The following SHLD1 variants were observed in gnomAD, a reference collection of about 807,000 sequenced individuals.
SHLD1 encodes the protein shieldin complex subunit 1.
A neutral mutation model predicts 5.5 loss-of-function variants in SHLD1; 3 were observed. The ratio of observed to expected loss-of-function variants is 0.54; its 90% CI spans 0.25 to 1.40. The LOEUF (loss-of-function observed/expected upper bound fraction) is 1.40, where lower values mean the gene tolerates loss of function less well. SHLD1 is among the 40% of genes most tolerant of loss of function. SHLD1 has a pLI of 0.15. For synonymous variants in SHLD1, 92 were observed against 94.3 expected (o/e 0.98, Z 0.14); for missense variants, 210 against 244.4 (o/e 0.86, Z 0.94).
chr20:5,804,350 ACT>A (rs71953766), intron 2 of SHLD1, among the ~76,000 whole-genome samples: 9,069 of 137,662 alleles, frequency 0.066, 400 homozygotes, highest in African/African-American at 0.14. Flanking sequence ...GCAAAAAAAA[ACT>A]ATATATATAT....
chr20:5,776,230 C>T (rs899477055), intron 2 of SHLD1, among the ~76,000 whole-genome samples: 5 of 152,006 alleles, frequency 3.3e-5, no homozygotes, highest in East Asian at 3.9e-4. Context: ...TGAGCCACTG[C>T]GCCCAGCCAG....
intron 2 of SHLD1, among the ~76,000 whole-genome samples, chr20:5,853,301 C>G (rs1273565195): frequency 6.6e-6 from 1 of 152,068 alleles, no homozygotes; most frequent in Non-Finnish European, 1.5e-5. Flanking sequence ...CAAAAATTAG[C>G]TGGGTGTGAT....
intron 1 of SHLD1, among the ~76,000 whole-genome samples, chr20:5,769,972 C>CCAGCCTGG: frequency 6.8e-6 from 1 of 147,108 alleles, no homozygotes; most frequent in Non-Finnish European, 1.5e-5. Flanking sequence ...CCATTGCACT[C>CCAGCCTGG]CAGCCTGGGC....
In SHLD1 at chr20:5,778,114, C is replaced by CTTTTTTT. The variant is rs776358532; in HGVS notation, c.178+5085_178+5091dup. ...GGCTGAGGCAGGAGGATCCCTTTTT[C>CTTTTTTT]TTTTTTTTTTTTTTTTTTTTGAGAC... On this transcript the variant is annotated intron_variant, in intron 2 of 2. Transcript: ENST00000303142. Among the ~76,000 whole-genome samples, 13 of 111,930 alleles carry CTTTTTTT rather than the reference C, an allele frequency of 1.2e-4. 1 individual carries two copies. Among genetic ancestry groups the CTTTTTTT allele is most frequent in the South Asian group, 3.1e-4 (1 of 3,278 alleles). 73.4% of individuals were successfully genotyped at this position (111,930 alleles called of 152,430 possible). A position where few individuals can be genotyped will look rare whatever the true frequency, so the allele number is the denominator to read the frequency against.
chr20:5,842,192 G>A (rs914878536), intron 2 of SHLD1, among the ~76,000 whole-genome samples: 11 of 152,148 alleles, frequency 7.2e-5, no homozygotes, highest in African/African-American at 2.7e-4. Flanking sequence ...GGACTACCTT[G>A]GTGAATTAAA....
At chr20:5,838,899 T>C (rs237097) in intron 2 of SHLD1, among the ~76,000 whole-genome samples, 65,585 of 152,156 alleles carry the variant, frequency 0.43, 16,657 homozygotes, top group African/African-American at 0.7. Flanking sequence ...ATGTGGCTGA[T>C]GTCCTTGTCA....
intron 2 of SHLD1, among the ~76,000 whole-genome samples, chr20:5,835,096 C>T (rs2087774567): frequency 6.6e-6 from 1 of 152,028 alleles, no homozygotes; most frequent in Admixed American, 6.5e-5. Flanking sequence ...TTCATGGAAG[C>T]CCCACAACCA....
At chr20:5,817,550 C>T (rs1253109483) in intron 2 of SHLD1, among the ~76,000 whole-genome samples, 1 of 151,460 alleles carries the variant, frequency 6.6e-6, no homozygotes, top group Non-Finnish European at 1.5e-5. Flanking sequence ...TACTCTGTAG[C>T]TAGTTTAGCT....
intron 2 of SHLD1, among the ~76,000 whole-genome samples, chr20:5,849,816 G>A (rs1202616764): frequency 3.3e-5 from 5 of 150,496 alleles, no homozygotes; most frequent in East Asian, 2.0e-4. Context: ...AAAATTAGCC[G>A]GGCGCGGTGG....
rs2087982757 is a variant in SHLD1 at position 5,849,931 on chromosome 20, AGTCCG to A, written c.179-13091_179-13087del. Among the ~76,000 whole-genome samples the A allele has an allele frequency of 6.4e-5, 9 of 140,432 alleles. No individual in the cohort carries two copies. The South Asian group carries it at 1.6e-3, about 25-fold the overall frequency. The allele number at this position is 140,432 out of a possible 152,430, so 92.1% of individuals were successfully genotyped here. On this transcript the variant is annotated intron_variant, in intron 2 of 2. Transcript: ENST00000303142. ...CCGAGATTCCGCCACTGCAGTCCGC[AGTCCG>A]GCCTGGGCGACAGAGCGAGACTCCG...
rs1568498024 is a variant in SHLD1 at position 5,778,603 on chromosome 20, T to TA, written c.178+5560_178+5561insA. On this transcript the variant is annotated intron_variant, in intron 2 of 2. Coordinates refer to ENST00000303142, the MANE Select transcript of SHLD1 (RefSeq NM_152504.4). ...ACCTGGGCGACAGAGCAAGACCTTG[T>TA]CAAAAAAAAAAAAAAAAATAAGGAC... Among the ~76,000 whole-genome samples the TA allele has an allele frequency of 7.9e-4, 85 of 107,948 alleles. 1 individual carries two copies. Among genetic ancestry groups the TA allele is most frequent in the Middle Eastern group, 5.4e-3 (1 of 184 alleles). The allele number at this position is 107,948 out of a possible 152,430, so 70.8% of individuals were successfully genotyped here.
chr20:5,825,711 T>C (rs565751022), intron 2 of SHLD1, among the ~76,000 whole-genome samples: 2 of 152,326 alleles, frequency 1.3e-5, no homozygotes, highest in East Asian at 3.9e-4. Context: ...ATTGCGCTCC[T>C]GCCTGGGTGA....
At chr20:5,850,652 A>T (rs1163745740) in intron 2 of SHLD1, among the ~76,000 whole-genome samples, 1 of 151,844 alleles carries the variant, frequency 6.6e-6, no homozygotes, top group Non-Finnish European at 1.5e-5. Context: ...CTGGGATTAC[A>T]GGTGTGTGCC....
intron 2 of SHLD1, among the ~76,000 whole-genome samples, chr20:5,784,655 T>A (rs2087034344): frequency 6.6e-6 from 1 of 152,022 alleles, no homozygotes; most frequent in South Asian, 2.1e-4. Context: ...TTTCACCGTG[T>A]TAGCCAGGTT....
chr20:5,758,562 G>C (rs1984273285), intron 1 of SHLD1, among the ~76,000 whole-genome samples: 1 of 151,914 alleles, frequency 6.6e-6, no homozygotes, highest in South Asian at 2.1e-4. Flanking sequence ...GGGATTATAG[G>C]TGTCTGTCAT....
chr20:5,830,794 T>C (rs1312995671), intron 2 of SHLD1, among the ~76,000 whole-genome samples: 1 of 152,080 alleles, frequency 6.6e-6, no homozygotes, highest in Non-Finnish European at 1.5e-5. Context: ...CTGGTGCTGT[T>C]CTGTTTCTTG....
intron 2 of SHLD1, among the ~76,000 whole-genome samples, chr20:5,784,652 G>C (rs549950033): frequency 4.0e-5 from 6 of 151,830 alleles, no homozygotes; most frequent in Admixed American, 6.6e-5. Context: ...GGGTTTCACC[G>C]TGTTAGCCAG....
chr20:5,812,712 T>C (rs1201781382), intron 2 of SHLD1, among the ~76,000 whole-genome samples: 1 of 152,188 alleles, frequency 6.6e-6, no homozygotes, highest in Admixed American at 6.5e-5. Context: ...ACCTGAACCC[T>C]GATGGCTAGC....
chr20:5,821,387 C>G (rs2122412659), intron 2 of SHLD1, among the ~76,000 whole-genome samples: 1 of 152,210 alleles, frequency 6.6e-6, no homozygotes, highest in South Asian at 2.1e-4. Context: ...GTGGTGTGCA[C>G]CTATAATCCC....
Sources: gnomAD v4.1 joint callset for allele counts (sites outside exome capture counted in the v4.1 genomes callset) on GRCh38, gnomAD v4.1.1 for gene constraint, MANE v1.5 for transcripts, NCBI Gene and HGNC (gene_info 2026-07-23, HGNC 2026-07-21) for gene names.